Variants in CCND3 observed in about 807,000 individuals in gnomAD.
CCND3 encodes cyclin D3, also known as G1/S-specific cyclin-D3.
Under a neutral mutation model 28.7 loss-of-function variants are expected in CCND3, and 9 were observed. The ratio of observed to expected loss-of-function variants is 0.31; its 90% CI spans 0.19 to 0.55. The LOEUF is 0.55. CCND3 is among the 20% of genes least tolerant of loss of function. The pLI, the probability that CCND3 is intolerant of heterozygous loss-of-function variation, is 0.93. For missense variants in CCND3, 315 were observed against 385.8 expected (o/e 0.82, Z 1.54); for synonymous variants, 164 against 163.9 (o/e 1.00, Z 0.00).
intron 1 of CCND3, among the ~76,000 whole-genome samples, chr6:41,974,040 G>C (rs543352469): frequency 6.6e-6 from 1 of 152,154 alleles, no homozygotes; most frequent in African/African-American, 2.4e-5. Flanking sequence ...AAAATTAGCC[G>C]GGTGTGGTGG....
intron 1 of CCND3, among the ~76,000 whole-genome samples, chr6:42,009,838 G>C (rs1763289431): frequency 6.6e-6 from 1 of 151,972 alleles, no homozygotes. Flanking sequence ...ACCTTAAGGG[G>C]AGCCCTAGAA....
At chr6:42,042,491 G>C (rs1395281914) in intron 1 of CCND3, among the ~76,000 whole-genome samples, 1 of 152,056 alleles carries the variant, frequency 6.6e-6, no homozygotes, top group African/African-American at 2.4e-5. Context: ...CTCCCGAGTA[G>C]CCGGGATTAC....
chr6:42,034,794 C>A (rs1764156954), intron 1 of CCND3, among the ~76,000 whole-genome samples: 1 of 152,054 alleles, frequency 6.6e-6, no homozygotes, highest in Non-Finnish European at 1.5e-5. Context: ...GTCTCTTAAA[C>A]AAATTTTTTT....
chr6:42,012,759 T>G (rs1763377647), intron 1 of CCND3, among the ~76,000 whole-genome samples: 1 of 152,198 alleles, frequency 6.6e-6, no homozygotes, highest in African/African-American at 2.4e-5. Flanking sequence ...AGAAAATCCT[T>G]TTTTCTTCTC....
intron 1 of CCND3, among the ~76,000 whole-genome samples, chr6:42,003,525 CAAAAAAAAAAAAAAAAAAAAA>C (rs61494473): frequency 0.022 from 1,606 of 73,490 alleles, 42 homozygotes; most frequent in African/African-American, 0.049. Context: ...GACTCTGTCT[CAAAAAAAAAAAAAAAAAAAAA>C]AAAAAAAAAA....
intron 1 of CCND3, among the ~76,000 whole-genome samples, chr6:42,005,128 A>G (rs1260682434): frequency 6.6e-6 from 1 of 152,232 alleles, no homozygotes; most frequent in East Asian, 1.9e-4. Flanking sequence ...GTCACTAATG[A>G]GCATATATGC....
At chr6:42,000,904 A>T (rs543306600) in intron 1 of CCND3, among the ~76,000 whole-genome samples, 1 of 151,986 alleles carries the variant, frequency 6.6e-6, no homozygotes, top group East Asian at 1.9e-4. Flanking sequence ...AAGAACTAAA[A>T]CTTAAATGAT....
chr6:41,937,151 A>G, intron 3 of CCND3, 84 bp downstream of exon 3: 1 of 1,462,404 alleles, frequency 6.8e-7, no homozygotes, highest in Non-Finnish European at 9.6e-7. Context: ...TTTTGACAGT[A>G]TAAACCAGAA....
chr6:42,040,579 C>T (rs1764340775), intron 1 of CCND3, among the ~76,000 whole-genome samples: 2 of 151,466 alleles, frequency 1.3e-5, no homozygotes, highest in African/African-American at 4.8e-5. Flanking sequence ...CTCGGCCAGG[C>T]ACAGTGTCTC....
At chr6:42,021,728 C>A (rs569435404) in intron 1 of CCND3, among the ~76,000 whole-genome samples, 1 of 152,186 alleles carries the variant, frequency 6.6e-6, no homozygotes, top group South Asian at 2.1e-4. Flanking sequence ...GCAATGGAAG[C>A]AGGAACACCC....
intron 1 of CCND3, among the ~76,000 whole-genome samples, chr6:42,001,191 C>G (rs1462711354): frequency 7.6e-6 from 1 of 131,374 alleles, no homozygotes; most frequent in Non-Finnish European, 1.5e-5. Flanking sequence ...GCCCAGATCA[C>G]GCCACTGCAC....
At chr6:41,962,993 T>C (rs1761763550) in intron 1 of CCND3, among the ~76,000 whole-genome samples, 2 of 152,060 alleles carry the variant, frequency 1.3e-5, no homozygotes, top group Non-Finnish European at 2.9e-5. Flanking sequence ...CCTCGTGATC[T>C]GCCCGCCTCG....
At chr6:41,957,394 G>T (rs1776464674) in intron 1 of CCND3, among the ~76,000 whole-genome samples, 2 of 152,154 alleles carry the variant, frequency 1.3e-5, no homozygotes, top group African/African-American at 4.8e-5. Flanking sequence ...TAGCACTCCA[G>T]CCCACCTCTG....
intron 1 of CCND3, among the ~76,000 whole-genome samples, chr6:42,034,843 T>C (rs1764158667): frequency 6.6e-6 from 1 of 152,196 alleles, no homozygotes; most frequent in Admixed American, 6.5e-5. Context: ...GAACTTAAGT[T>C]ACTTGAGAAT....
chr6:41,948,853 AAAAAAAG>A (rs1776235569), intron 1 of CCND3, among the ~76,000 whole-genome samples: 9 of 150,962 alleles, frequency 6.0e-5, no homozygotes, highest in Admixed American at 5.9e-4. Context: ...CTCAAAAAAA[AAAAAAAG>A]AAAAAAAGAA....
At chr6:42,005,675 T>C (rs767306046) in intron 1 of CCND3, among the ~76,000 whole-genome samples, 3 of 151,760 alleles carry the variant, frequency 2.0e-5, no homozygotes, top group Non-Finnish European at 4.4e-5. Context: ...CTCGGCAACA[T>C]GGTGAGGCCC....
intron 1 of CCND3, among the ~76,000 whole-genome samples, chr6:42,032,271 C>A (rs1366801566): frequency 1.3e-5 from 2 of 152,034 alleles, no homozygotes; most frequent in Non-Finnish European, 2.9e-5. Flanking sequence ...ATTTCTTGTA[C>A]AGATGGGGCC....
At chr6:41,940,696 TA>T in intron 1 of CCND3, 111 bp from the exon 2 acceptor site, 1 of 802,262 alleles carries the variant, frequency 1.2e-6, no homozygotes, top group Non-Finnish European at 2.1e-6. Flanking sequence ...GCAGAGAGGG[TA>T]AGCTACTTAG....
At chr6:41,964,471 T>C (rs1200382224) in intron 1 of CCND3, among the ~76,000 whole-genome samples, 1 of 134,074 alleles carries the variant, frequency 7.5e-6, no homozygotes, top group Non-Finnish European at 1.5e-5. Flanking sequence ...TGAGTGTGTG[T>C]GTGAGTGTGT....
Sources: allele counts gnomAD v4.1 joint callset (sites outside exome capture counted in the v4.1 genomes callset), GRCh38; gene constraint gnomAD v4.1.1; transcripts MANE v1.5; gene names NCBI Gene and HGNC (gene_info 2026-07-23, HGNC 2026-07-21).